Variants in SYT1 observed in about 807,000 individuals in gnomAD.
The protein encoded by SYT1 is synaptotagmin-1.
In SYT1, 8 loss-of-function variants were observed where a neutral mutation model predicts 44.8. The observed-to-expected ratio is 0.18, with a 90% CI of 0.10 to 0.32. The LOEUF is 0.32. Ranked by LOEUF, SYT1 falls within the 10% of genes least tolerant of loss-of-function variation. The pLI is 1.00. For synonymous variants in SYT1, 154 were observed against 188.8 expected, an observed-to-expected ratio of 0.82 and a Z score of 1.51; for missense variants, 286 against 509.3, an observed-to-expected ratio of 0.56 and a Z score of 4.22.
intron 4 of SYT1, among the ~76,000 whole-genome samples, chr12:79,281,061 A>T (rs1200401979): frequency 6.6e-6 from 1 of 152,082 alleles, no homozygotes; most frequent in Non-Finnish European, 1.5e-5. Context: ...TATTAGGTAA[A>T]TTAGTACAAC....
Position 78,942,029 on chromosome 12 carries a change from T to G in SYT1, c.-216-35770T>G, listed in dbSNP as rs1453805823. Among the ~76,000 whole-genome samples, 8 of 152,224 alleles carry G rather than the reference T, an allele frequency of 5.3e-5. No individual in the cohort carries two copies. In the South Asian group the frequency reaches 1.7e-3, roughly 32 times the overall value. ...GCTTACTATTTTCCTTTTGGCCTCT[T>G]TTGTACAACTTCATTGTCTTTGTGG... On this transcript the variant is annotated intron_variant, in intron 1 of 10. Transcript: ENST00000261205.
intron 8 of SYT1, among the ~76,000 whole-genome samples, chr12:79,316,806 T>C (rs915543760): frequency 6.6e-6 from 1 of 152,180 alleles, no homozygotes; most frequent in African/African-American, 2.4e-5. Flanking sequence ...TCTCGATAGG[T>C]AGAACATAAG....
intron 1 of SYT1, among the ~76,000 whole-genome samples, chr12:78,931,570 G>A (rs1877755013): frequency 6.6e-6 from 1 of 152,168 alleles, no homozygotes; most frequent in African/African-American, 2.4e-5. Flanking sequence ...ACTGAAATTG[G>A]TTACTTAGAA....
intron 3 of SYT1, among the ~76,000 whole-genome samples, chr12:79,134,378 A>G (rs911156800): frequency 6.6e-6 from 1 of 152,216 alleles, no homozygotes; most frequent in African/African-American, 2.4e-5. Context: ...AAAGCTGAGG[A>G]ACATTTTTCT....
chr12:79,132,595 G>A (rs1288288054), intron 3 of SYT1, among the ~76,000 whole-genome samples: 1 of 147,040 alleles, frequency 6.8e-6, no homozygotes, highest in Non-Finnish European at 1.5e-5. Flanking sequence ...AAGGGCTGGT[G>A]AGGATGTGGA....
At chr12:78,991,725 G>T (rs747142005) in intron 2 of SYT1, among the ~76,000 whole-genome samples, 8 of 152,034 alleles carry the variant, frequency 5.3e-5, no homozygotes, top group Non-Finnish European at 1.0e-4. Flanking sequence ...CCCTTTCTTT[G>T]AACTCTTTCT....
intron 4 of SYT1, among the ~76,000 whole-genome samples, chr12:79,246,513 C>T (rs927707750): frequency 7.9e-5 from 12 of 152,124 alleles, no homozygotes; most frequent in East Asian, 1.9e-4. Context: ...GCTGGAAAGT[C>T]CAAGATCAAG....
chr12:78,981,109 TTTTG>T (rs1217959620), intron 2 of SYT1, among the ~76,000 whole-genome samples: 3 of 151,286 alleles, frequency 2.0e-5, no homozygotes, highest in African/African-American at 7.3e-5. Flanking sequence ...TTTGTTGTTG[TTTTG>T]TTTGTTTCTT....
chr12:78,987,381 G>A (rs564437834), intron 2 of SYT1, among the ~76,000 whole-genome samples: 2 of 152,158 alleles, frequency 1.3e-5, no homozygotes, highest in African/African-American at 2.4e-5. Flanking sequence ...GAGGTCACAT[G>A]TTGGCTAAAA....
intron 9 of SYT1, among the ~76,000 whole-genome samples, chr12:79,376,472 C>T (rs1044367892): frequency 1.3e-5 from 2 of 152,144 alleles, no homozygotes; most frequent in Non-Finnish European, 2.9e-5. Flanking sequence ...AGGTCACTCT[C>T]GGCGCCATTT....
Position 79,272,415 on chromosome 12 carries a change from T to C in SYT1, c.167-13372T>C, listed in dbSNP as rs140178666. Reference sequence around the variant, plus strand: ...GAGATAATATCAGGTCTACACCTTATAAATAGACATAAAAGAAGAGTAAAA... The same window carrying C: ...GAGATAATATCAGGTCTACACCTTACAAATAGACATAAAAGAAGAGTAAAA... On this transcript the variant is annotated intron_variant, in intron 4 of 10. Coordinates refer to ENST00000261205, the MANE Select transcript of SYT1 (RefSeq NM_005639.3). 3.1e-3 allele frequency among the ~76,000 whole-genome samples: 475 copies of C among 152,242 alleles called. 5 individuals are homozygous for C. In the South Asian group the frequency reaches 0.031, roughly 10 times the overall value.
intron 8 of SYT1, among the ~76,000 whole-genome samples, chr12:79,338,684 A>AT (rs1882205143): frequency 2.6e-5 from 1 of 38,546 alleles, no homozygotes; most frequent in South Asian, 7.4e-4. Context: ...CTTTTTTTTT[A>AT]TTATACTTTA....
At chr12:79,258,247 T>C (rs2138719496) in intron 4 of SYT1, among the ~76,000 whole-genome samples, 1 of 152,326 alleles carries the variant, frequency 6.6e-6, no homozygotes, top group East Asian at 1.9e-4. Context: ...GCGATGGTGT[T>C]GGAAAACAGG....
chr12:79,300,846 A>T (rs1452871670), intron 8 of SYT1, among the ~76,000 whole-genome samples: 1 of 133,298 alleles, frequency 7.5e-6, no homozygotes, highest in Non-Finnish European at 1.6e-5. Flanking sequence ...ATATCTAAGA[A>T]TGTTGACTAA....
At chr12:79,039,631 T>C (rs969127150) in intron 2 of SYT1, among the ~76,000 whole-genome samples, 1 of 151,690 alleles carries the variant, frequency 6.6e-6, no homozygotes, top group African/African-American at 2.4e-5. Context: ...TTTTTATTTT[T>C]TTTATTATAC....
At chr12:79,349,033 A>AAGAAAGAG (rs1367804411) in intron 8 of SYT1, among the ~76,000 whole-genome samples, 21 of 120,274 alleles carry the variant, frequency 1.7e-4, no homozygotes, top group African/African-American at 5.5e-4. Context: ...GAAAGAAAGA[A>AAGAAAGAG]AAAGAAAGAA....
intron 3 of SYT1, among the ~76,000 whole-genome samples, chr12:79,060,981 A>AT (rs2137842062): frequency 6.6e-6 from 1 of 152,204 alleles, no homozygotes; most frequent in South Asian, 2.1e-4. Flanking sequence ...GCCTGTCTTC[A>AT]TTTGATTATC....
chr12:78,959,319 G>A (rs528662817), intron 1 of SYT1, among the ~76,000 whole-genome samples: 1 of 152,198 alleles, frequency 6.6e-6, no homozygotes, highest in African/African-American at 2.4e-5. Flanking sequence ...AACTAAATAT[G>A]TATGTTCATA....
chr12:79,200,536 C>A (rs1873721361), intron 3 of SYT1, among the ~76,000 whole-genome samples: 1 of 152,068 alleles, frequency 6.6e-6, no homozygotes, highest in South Asian at 2.1e-4. Context: ...AAGAATAGCC[C>A]CTCTGCCAGA....
Sources: gnomAD v4.1 joint callset for allele counts (sites outside exome capture counted in the v4.1 genomes callset) on GRCh38, gnomAD v4.1.1 for gene constraint, MANE v1.5 for transcripts, NCBI Gene and HGNC (gene_info 2026-07-23, HGNC 2026-07-21) for gene names.